PPARGC1A: variants seen among roughly 807,000 people sequenced by gnomAD.
The protein encoded by PPARGC1A is PPARG coactivator 1 alpha, also known as peroxisome proliferator-activated receptor gamma coactivator 1-alpha.
In PPARGC1A, 25 loss-of-function variants were observed where a neutral mutation model predicts 88.7. That is an observed-to-expected ratio of 0.28 (90% CI 0.21 to 0.39). The LOEUF (loss-of-function observed/expected upper bound fraction) is 0.39, where lower values mean the gene tolerates loss of function less well. Ranked by LOEUF, PPARGC1A falls within the 10% of genes least tolerant of loss-of-function variation. The pLI, the probability that PPARGC1A is intolerant of heterozygous loss-of-function variation, is 1.00. For synonymous variants in PPARGC1A, 363 were observed against 355.6 expected (o/e 1.02, Z -0.24); for missense variants, 880 against 968.7 (o/e 0.91, Z 1.22).
At chr4:23,935,485 TAG>T in the PPARGC1A span, among the ~76,000 whole-genome samples, 1 of 152,326 alleles carries the variant, frequency 6.6e-6, no homozygotes, top group Admixed American at 6.5e-5. Context: ...ATAATGTTAG[TAG>T]ATATCAATTT....
the PPARGC1A span, among the ~76,000 whole-genome samples, chr4:24,179,652 T>C: frequency 6.6e-6 from 1 of 152,102 alleles, no homozygotes; most frequent in Non-Finnish European, 1.5e-5. Flanking sequence ...AAAGCATGCA[T>C]GAACCCAGAT....
At chr4:24,022,290 T>G in the PPARGC1A span, among the ~76,000 whole-genome samples, 1 of 152,142 alleles carries the variant, frequency 6.6e-6, no homozygotes, top group Admixed American at 6.5e-5. Context: ...TCTCTATCAC[T>G]GGACCGATGT....
At chr4:24,317,853 T>C in the PPARGC1A span, among the ~76,000 whole-genome samples, 1 of 151,966 alleles carries the variant, frequency 6.6e-6, no homozygotes. Context: ...TTTGGGAAAA[T>C]TGTGTGCTAA....
At chr4:23,917,628 G>T in the PPARGC1A span, among the ~76,000 whole-genome samples, 1 of 152,206 alleles carries the variant, frequency 6.6e-6, no homozygotes, top group African/African-American at 2.4e-5. Flanking sequence ...CGGCTTTTCT[G>T]TGTTTTCATC....
the PPARGC1A span, among the ~76,000 whole-genome samples, chr4:24,326,491 G>T: frequency 1.3e-3 from 197 of 150,290 alleles, no homozygotes; most frequent in Non-Finnish European, 2.3e-3. Context: ...CTTTGCACCC[G>T]TCATCCCAGC....
the PPARGC1A span, among the ~76,000 whole-genome samples, chr4:24,395,204 AAGG>A: frequency 6.6e-6 from 1 of 152,214 alleles, no homozygotes; most frequent in Non-Finnish European, 1.5e-5. Flanking sequence ...AACTCAAAGT[AAGG>A]ACCCTGAGCA....
the PPARGC1A span, among the ~76,000 whole-genome samples, chr4:24,083,657 T>C: frequency 6.6e-6 from 1 of 152,100 alleles, no homozygotes; most frequent in African/African-American, 2.4e-5. Flanking sequence ...CTAAGAAATA[T>C]ACAGAACAGT....
the PPARGC1A span, among the ~76,000 whole-genome samples, chr4:24,363,479 C>T: frequency 3.3e-5 from 5 of 152,066 alleles, no homozygotes; most frequent in South Asian, 6.2e-4. Flanking sequence ...CATAATGATC[C>T]GGCTATTATA....
chr4:23,892,704 A>C (rs1718035043), upstream of PPARGC1A, among the ~76,000 whole-genome samples: 1 of 151,792 alleles, frequency 6.6e-6, no homozygotes, highest in African/African-American at 2.4e-5. Flanking sequence ...CCCTTCGTCA[A>C]CTCTGTCTCC....
chr4:24,451,124 A>T, the PPARGC1A span, among the ~76,000 whole-genome samples: 1 of 152,186 alleles, frequency 6.6e-6, no homozygotes, highest in East Asian at 1.9e-4. Flanking sequence ...TTTGATTTTC[A>T]TTATTTTGTT....
intron 2 of PPARGC1A, among the ~76,000 whole-genome samples, chr4:23,852,366 A>G (rs1296811164): frequency 6.6e-6 from 1 of 152,154 alleles, no homozygotes; most frequent in Non-Finnish European, 1.5e-5. Flanking sequence ...AGAAGCTGGG[A>G]TTTGAGGAGG....
At chr4:24,445,296 T>C in the PPARGC1A span, among the ~76,000 whole-genome samples, 1 of 152,238 alleles carries the variant, frequency 6.6e-6, no homozygotes, top group Non-Finnish European at 1.5e-5. Context: ...TTTTCTATAC[T>C]GAAGACTTAT....
chr4:24,470,565 C>G, the PPARGC1A span, among the ~76,000 whole-genome samples: 1 of 152,056 alleles, frequency 6.6e-6, no homozygotes, highest in Non-Finnish European at 1.5e-5. The surrounding 1 kb of genome is among the most constrained non-coding windows in gnomAD (Gnocchi z 5.8). Flanking sequence ...GCCGGCCCGA[C>G]CACCTCAGTA....
chr4:23,831,630 G>C lies in PPARGC1A; in HGVS notation c.356C>G (p.Thr119Ser). The C allele has an allele frequency of 1.2e-6, 2 of 1,614,162 alleles. No individual in the cohort carries two copies. The highest frequency in any genetic ancestry group is 1.7e-6 in the Non-Finnish European group (2 of 1,180,010). The part of the protein sequence containing the change: ...FDALTDGDVT[T>S]DNEASPSSMP... ...GGAGGAAGGACTAGCCTCATTGTCA[G>C]TGGTCACGTCTCCATCTGTCAGCGC... is the stretch of plus-strand genomic sequence containing the variant. Residue 119 changes from threonine (T) to serine (S), a missense_variant, in exon 3 of 13, where the codon ACT (threonine) becomes AGT (serine). By Grantham distance (58) the Thr-to-Ser change is moderately conservative. Coordinates refer to ENST00000264867, the MANE Select transcript of PPARGC1A (RefSeq NM_013261.5).
chr4:23,831,112 C>T (rs1005277975), intron 3 of PPARGC1A, among the ~76,000 whole-genome samples: 3 of 152,060 alleles, frequency 2.0e-5, no homozygotes, highest in African/African-American at 7.2e-5. Context: ...TATTTCCATA[C>T]AATAAAATAC....
the PPARGC1A span, among the ~76,000 whole-genome samples, chr4:24,050,693 G>A: frequency 3.3e-5 from 5 of 152,046 alleles, no homozygotes; most frequent in South Asian, 2.1e-4. Flanking sequence ...TTCCAATTCT[G>A]TTGCTTCAAG....
chr4:24,088,369 A>G, the PPARGC1A span, among the ~76,000 whole-genome samples: 1 of 152,064 alleles, frequency 6.6e-6, no homozygotes, highest in Non-Finnish European at 1.5e-5. Context: ...CTAAAAAAAA[A>G]GAAAGAAGAA....
At chr4:24,451,635 T>A in the PPARGC1A span, among the ~76,000 whole-genome samples, 1 of 152,222 alleles carries the variant, frequency 6.6e-6, no homozygotes. Context: ...TGGAGTGCAC[T>A]GGCACCATCT....
intron 2 of PPARGC1A, among the ~76,000 whole-genome samples, chr4:23,857,575 T>C (rs1730428472): frequency 6.6e-6 from 1 of 151,896 alleles, no homozygotes; most frequent in Non-Finnish European, 1.5e-5. Flanking sequence ...TTTTACTTAA[T>C]GTCAAACACT....
Sources: allele counts gnomAD v4.1 joint callset (sites outside exome capture counted in the v4.1 genomes callset), GRCh38; gene constraint gnomAD v4.1.1; non-coding constraint Gnocchi (gnomAD v3.1); transcripts MANE v1.5; gene names NCBI Gene and HGNC (gene_info 2026-07-23, HGNC 2026-07-21).